CNBD1: variants seen among roughly 807,000 people sequenced by gnomAD.
CNBD1 encodes cyclic nucleotide binding domain containing 1.
CNBD1 carries 71 observed loss-of-function variants against 54.4 expected under a neutral mutation model. The ratio of observed to expected loss-of-function variants is 1.30; its 90% CI spans 1.08 to 1.59. The LOEUF is 1.59. Among genes scored for constraint, CNBD1 ranks in the 40% most tolerant of loss-of-function variants. CNBD1 has a pLI of 0.00. For missense variants in CNBD1, 659 were observed against 518.0 expected, an observed-to-expected ratio of 1.27 and a Z score of -2.64; for synonymous variants, 182 against 170.7, an observed-to-expected ratio of 1.07 and a Z score of -0.51.
intron 8 of CNBD1, among the ~76,000 whole-genome samples, chr8:87,295,891 A>G (rs1159488938): frequency 6.6e-6 from 1 of 152,142 alleles, no homozygotes; most frequent in Admixed American, 6.6e-5. Flanking sequence ...AGAAATGCTA[A>G]ATTATAAATA....
In CNBD1 at chr8:87,106,090, C is replaced by A. The variant is rs185331173; in HGVS notation, c.432-99903C>A. ...CAGAGTTAGCTGTGAGTGATTTCTA[C>A]TTTTAGTATTGGAGATGAATATTAG... On this transcript the variant is annotated intron_variant, in intron 4 of 10. Coordinates refer to ENST00000518476, the MANE Select transcript of CNBD1 (RefSeq NM_173538.3). 1.2e-3 allele frequency among the ~76,000 whole-genome samples: 182 copies of A among 152,214 alleles called. 1 individual carries two copies. The highest frequency in any genetic ancestry group is 6.8e-3 in the Middle Eastern group (2 of 294).
chr8:87,342,888 T>A (rs1049476074), intron 8 of CNBD1, among the ~76,000 whole-genome samples: 2 of 151,892 alleles, frequency 1.3e-5, no homozygotes, highest in African/African-American at 4.8e-5. Context: ...GTAAACAGGG[T>A]TTGAGAGCAG....
chr8:87,328,152 A>C (rs1809726050), intron 8 of CNBD1, among the ~76,000 whole-genome samples: 1 of 151,682 alleles, frequency 6.6e-6, no homozygotes, highest in South Asian at 2.1e-4. Flanking sequence ...CAATCCCCCA[A>C]CAGGCCCTGG....
intron 1 of CNBD1, among the ~76,000 whole-genome samples, chr8:86,878,067 T>C (rs890957651): frequency 7.4e-6 from 1 of 135,226 alleles, no homozygotes; most frequent in African/African-American, 2.7e-5. Flanking sequence ...ATTTTGTTTT[T>C]CTTTCATCAA....
chr8:87,051,884 C>A (rs972025885), intron 4 of CNBD1, among the ~76,000 whole-genome samples: 1 of 152,140 alleles, frequency 6.6e-6, no homozygotes, highest in Non-Finnish European at 1.5e-5. Context: ...GGGACCTGTT[C>A]CCAACAGATC....
intron 5 of CNBD1, among the ~76,000 whole-genome samples, chr8:87,217,088 T>G (rs1814228144): frequency 6.6e-6 from 1 of 152,134 alleles, no homozygotes; most frequent in Non-Finnish European, 1.5e-5. Context: ...TTTTAATCTT[T>G]TAAATGTCTG....
At chr8:87,291,143 G>A (rs1808777646) in intron 8 of CNBD1, among the ~76,000 whole-genome samples, 1 of 152,112 alleles carries the variant, frequency 6.6e-6, no homozygotes, top group Non-Finnish European at 1.5e-5. Context: ...AATGTAGTTT[G>A]AAAGGACATT....
intron 4 of CNBD1, among the ~76,000 whole-genome samples, chr8:86,995,313 T>C (rs1443517572): frequency 1.3e-5 from 2 of 152,166 alleles, no homozygotes; most frequent in Non-Finnish European, 2.9e-5. Flanking sequence ...AACGTTAAGA[T>C]AGTAAATGTC....
chr8:87,262,397 G>T (rs1054974372), intron 6 of CNBD1, among the ~76,000 whole-genome samples: 1 of 152,106 alleles, frequency 6.6e-6, no homozygotes, highest in African/African-American at 2.4e-5. Context: ...GTTAGCTGGT[G>T]AATTGTTTTT....
intron 4 of CNBD1, among the ~76,000 whole-genome samples, chr8:87,013,564 TA>T (rs920884862): frequency 3.3e-5 from 5 of 151,248 alleles, no homozygotes; most frequent in Non-Finnish European, 5.9e-5. Context: ...CTACTGAGAT[TA>T]AAAAAAATAA....
At chr8:86,905,255 C>T in intron 3 of CNBD1, 61 bp downstream of exon 3, 3 of 958,820 alleles carry the variant, frequency 3.1e-6, no homozygotes, top group Non-Finnish European at 4.9e-6. Flanking sequence ...CTTGTGCTCA[C>T]ACAAGTTGAA....
intron 4 of CNBD1, among the ~76,000 whole-genome samples, chr8:87,197,223 T>C (rs1317406069): frequency 6.6e-6 from 1 of 152,102 alleles, no homozygotes; most frequent in Non-Finnish European, 1.5e-5. Flanking sequence ...TTTCCTACAG[T>C]GAGAGTGTGC....
downstream of CNBD1, chr8:87,382,876 G>T: frequency 2.7e-6 from 1 of 366,552 alleles, no homozygotes; most frequent in Non-Finnish European, 4.9e-6. Context: ...TTGATACGAA[G>T]GTTTTCTTTC....
chr8:87,171,774 A>C lies in CNBD1; in HGVS notation c.432-34219A>C, dbSNP rs542038504. ...TGCCTCAGCCTCCCAAGTAGCTGGG[A>C]TTACAGGTGCCCACCACCACGCCTG... is the stretch of plus-strand genomic sequence containing the variant. On this transcript the variant is annotated intron_variant, in intron 4 of 10. Coordinates refer to ENST00000518476, the MANE Select transcript of CNBD1 (RefSeq NM_173538.3). 1.6e-4 allele frequency among the ~76,000 whole-genome samples: 24 copies of C among 151,918 alleles called. No individual in the cohort carries two copies. The East Asian group carries it at 3.3e-3, about 21-fold the overall frequency.
chr8:86,879,869 C>CA (rs34026034), intron 1 of CNBD1, among the ~76,000 whole-genome samples: 26 of 148,976 alleles, frequency 1.7e-4, no homozygotes, highest in East Asian at 6.0e-4. Context: ...GAGAGTCCGT[C>CA]AAAAAAAAAA....
chr8:87,035,826 A>T (rs1395736590), intron 4 of CNBD1, among the ~76,000 whole-genome samples: 1 of 152,166 alleles, frequency 6.6e-6, no homozygotes, highest in Middle Eastern at 3.2e-3. Context: ...CTTGTGGCTC[A>T]GTAGAACATG....
At chr8:87,114,177 A>C (rs1318548643) in intron 4 of CNBD1, among the ~76,000 whole-genome samples, 1 of 152,240 alleles carries the variant, frequency 6.6e-6, no homozygotes, top group Non-Finnish European at 1.5e-5. Flanking sequence ...TGTGCATTAA[A>C]TGAAATTGCT....
intron 6 of CNBD1, among the ~76,000 whole-genome samples, chr8:87,275,701 T>C (rs1476184919): frequency 2.6e-5 from 4 of 151,598 alleles, no homozygotes; most frequent in Admixed American, 2.0e-4. Flanking sequence ...CTATTCAACA[T>C]AGTGTTGGAA....
intron 4 of CNBD1, among the ~76,000 whole-genome samples, chr8:86,954,578 C>CCCA (rs71275902): frequency 0.95 from 143,863 of 152,178 alleles, 68,109 homozygotes; most frequent in East Asian, 1. Context: ...AATTTACATT[C>CCCA]CGTGTTCTTA....
Sources: allele counts gnomAD v4.1 joint callset (sites outside exome capture counted in the v4.1 genomes callset), GRCh38; gene constraint gnomAD v4.1.1; transcripts MANE v1.5; gene names NCBI Gene and HGNC (gene_info 2026-07-23, HGNC 2026-07-21).